Variants in ADGRB3 observed in about 807,000 individuals in gnomAD.
ADGRB3 encodes the protein adhesion G protein-coupled receptor B3, also known as brain-specific angiogenesis inhibitor 3.
ADGRB3 carries 37 observed loss-of-function variants against 193.4 expected under a neutral mutation model. The ratio of observed to expected loss-of-function variants is 0.19; its 90% CI spans 0.15 to 0.25. ADGRB3 has a LOEUF of 0.25. Ranked by LOEUF, ADGRB3 falls within the 10% of genes least tolerant of loss-of-function variation. The pLI is 1.00. For synonymous variants in ADGRB3, 690 were observed against 644.2 expected, an observed-to-expected ratio of 1.07 and a Z score of -1.08; for missense variants, 1,637 against 1,852.9, an observed-to-expected ratio of 0.88 and a Z score of 2.14.
At chr6:68,858,609 A>G (rs1234224006) in intron 3 of ADGRB3, among the ~76,000 whole-genome samples, 1 of 151,676 alleles carries the variant, frequency 6.6e-6, no homozygotes, top group Admixed American at 6.6e-5. Flanking sequence ...AAAAAAAAAA[A>G]AACACAGCAT....
intron 17 of ADGRB3, among the ~76,000 whole-genome samples, chr6:69,205,037 T>G (rs1286075473): frequency 2.0e-5 from 3 of 152,182 alleles, no homozygotes; most frequent in African/African-American, 7.2e-5. Context: ...GCTCATACAC[T>G]TTTTCCATTA....
chr6:68,950,049 C>G (rs780265382), intron 6 of ADGRB3, among the ~76,000 whole-genome samples: 11 of 151,930 alleles, frequency 7.2e-5, no homozygotes, highest in Non-Finnish European at 1.3e-4. Flanking sequence ...ATGCCCAAAG[C>G]AAGAGGTTGT....
At chr6:69,248,237 T>A (rs728299) in intron 20 of ADGRB3, among the ~76,000 whole-genome samples, 22,828 of 152,176 alleles carry the variant, frequency 0.15, 1,896 homozygotes, top group Non-Finnish European at 0.18. Flanking sequence ...AAGAATCATG[T>A]TGGAGTATAG....
intron 20 of ADGRB3, among the ~76,000 whole-genome samples, chr6:69,324,094 C>G (rs1441889531): frequency 6.6e-6 from 1 of 152,026 alleles, no homozygotes; most frequent in African/African-American, 2.4e-5. Flanking sequence ...AAGTAGCAAC[C>G]TTTACCAAAA....
At chr6:69,302,243 G>A (rs911600387) in intron 20 of ADGRB3, among the ~76,000 whole-genome samples, 19 of 151,968 alleles carry the variant, frequency 1.3e-4, no homozygotes, top group African/African-American at 4.3e-4. Flanking sequence ...TAATTCACCA[G>A]TATTGCAAAT....
chr6:69,386,350 A>G (rs1275968644), intron 31 of ADGRB3, among the ~76,000 whole-genome samples: 1 of 152,110 alleles, frequency 6.6e-6, no homozygotes, highest in African/African-American at 2.4e-5. Context: ...GAATTCTTTC[A>G]GGATTGAACT....
chr6:68,646,069 A>G (rs1346234660), intron 3 of ADGRB3, among the ~76,000 whole-genome samples: 4 of 152,200 alleles, frequency 2.6e-5, no homozygotes, highest in African/African-American at 7.2e-5. Context: ...AGACATATCT[A>G]TATTCTTATG....
At chr6:69,303,163 G>T (rs917478981) in intron 20 of ADGRB3, among the ~76,000 whole-genome samples, 1 of 151,834 alleles carries the variant, frequency 6.6e-6, no homozygotes, top group South Asian at 2.1e-4. Flanking sequence ...AGAAAGTTTC[G>T]ATTATTCCAC....
intron 20 of ADGRB3, among the ~76,000 whole-genome samples, chr6:69,276,116 A>T (rs1767298736): frequency 6.6e-6 from 1 of 152,214 alleles, no homozygotes. Flanking sequence ...AAGACTATAG[A>T]AAGAATAATA....
At chr6:68,733,418 T>G (rs1423268592) in intron 3 of ADGRB3, among the ~76,000 whole-genome samples, 1 of 151,690 alleles carries the variant, frequency 6.6e-6, no homozygotes, top group East Asian at 1.9e-4. Context: ...ATGTTCTCAC[T>G]TATACAGTGT....
chr6:68,807,228 C>CTTTTTTTTTTTTTTT (rs1418367807), intron 3 of ADGRB3, among the ~76,000 whole-genome samples: 1 of 94,668 alleles, frequency 1.1e-5, no homozygotes, highest in Non-Finnish European at 2.1e-5. Context: ...TTTCTTTTTT[C>CTTTTTTTTTTTTTTT]TTTTTTCTTT....
At chr6:68,985,490 G>T (rs1399235373) in intron 10 of ADGRB3, among the ~76,000 whole-genome samples, 1 of 152,078 alleles carries the variant, frequency 6.6e-6, no homozygotes, top group Non-Finnish European at 1.5e-5. Context: ...CCTCTTCTGG[G>T]CATATGGGAG....
intron 17 of ADGRB3, among the ~76,000 whole-genome samples, chr6:69,097,284 T>C (rs964211707): frequency 1.3e-5 from 2 of 152,208 alleles, no homozygotes; most frequent in Non-Finnish European, 2.9e-5. Flanking sequence ...TTCCAATGAA[T>C]GGCAATATTA....
At chr6:69,234,650 T>A (rs34641034) in intron 18 of ADGRB3, among the ~76,000 whole-genome samples, 254 of 152,238 alleles carry the variant, frequency 1.7e-3, no homozygotes, top group Non-Finnish European at 2.6e-3. Flanking sequence ...AATCATATTG[T>A]GAAATGACTA....
At chr6:68,756,440 A>G (rs531778252) in intron 3 of ADGRB3, among the ~76,000 whole-genome samples, 8 of 152,340 alleles carry the variant, frequency 5.3e-5, no homozygotes, top group African/African-American at 1.9e-4. Context: ...AGGCAATATA[A>G]AAAGCTAGGC....
At chr6:68,846,501 A>G (rs1404170834) in intron 3 of ADGRB3, among the ~76,000 whole-genome samples, 2 of 152,212 alleles carry the variant, frequency 1.3e-5, no homozygotes, top group Non-Finnish European at 2.9e-5. Flanking sequence ...CAGGGGCCCC[A>G]TGCTGTATGA....
intron 20 of ADGRB3, among the ~76,000 whole-genome samples, chr6:69,247,622 G>T (rs1343208125): frequency 6.6e-6 from 1 of 152,086 alleles, no homozygotes; most frequent in East Asian, 1.9e-4. Flanking sequence ...TACCTCTATT[G>T]TTAGCACCAA....
At chr6:68,918,332 CT>C (rs1187879315) in intron 3 of ADGRB3, among the ~76,000 whole-genome samples, 1 of 152,122 alleles carries the variant, frequency 6.6e-6, no homozygotes, top group Non-Finnish European at 1.5e-5. Context: ...GGTCACCAGC[CT>C]TGTAGAAGCA....
intron 1 of ADGRB3, among the ~76,000 whole-genome samples, 193 bp from the exon 2 acceptor site, chr6:68,637,198 G>T (rs1439564714): frequency 6.6e-6 from 1 of 152,144 alleles, no homozygotes; most frequent in African/African-American, 2.4e-5. Context: ...TCAAGACATA[G>T]AATTTGAATT....
Sources: allele counts gnomAD v4.1 joint callset (sites outside exome capture counted in the v4.1 genomes callset), GRCh38; gene constraint gnomAD v4.1.1; transcripts MANE v1.5; gene names NCBI Gene and HGNC (gene_info 2026-07-23, HGNC 2026-07-21).